Variants in ESRP1 observed in about 807,000 individuals in gnomAD.
ESRP1 encodes RNA-binding motif protein 35A.
A neutral mutation model predicts 81.7 loss-of-function variants in ESRP1; 33 were observed. The ratio of observed to expected loss-of-function variants is 0.40; its 90% CI spans 0.31 to 0.54. ESRP1 has a LOEUF of 0.54. Ranked by LOEUF, ESRP1 falls within the 20% of genes least tolerant of loss-of-function variation. The probability of loss-of-function intolerance (pLI) is 0.41; values close to 1 mark genes in which losing one functional copy is unlikely to be tolerated. For synonymous variants in ESRP1, 320 were observed against 303.3 expected (o/e 1.06, Z -0.57); for missense variants, 672 against 833.1 (o/e 0.81, Z 2.38).
chr8:94,671,635 T>A lies in ESRP1; in HGVS notation c.1416T>A (p.Ile472=). 1.2e-6 allele frequency: 2 copies of A among 1,613,918 alleles called. No homozygotes were observed. ...LDFLGEFATD[I]RTHGVHMVLN... ...TCCTGGGGGAGTTCGCCACAGATATTCGTACTCATGGGGTTCACATGGTTT... is the reference window on the plus strand; with the variant it reads ...TCCTGGGGGAGTTCGCCACAGATATACGTACTCATGGGGTTCACATGGTTT... The change falls in exon 11 of 16, where the codon ATT becomes ATA. Residue 472 remains isoleucine (I), a synonymous_variant. Coordinates refer to ENST00000433389, the MANE Select transcript of ESRP1 (RefSeq NM_017697.4).
At chr8:94,641,909 G>A (rs1817617012) in intron 1 of ESRP1, 47 bp from the exon 2 acceptor site, 2 of 1,605,420 alleles carry the variant, frequency 1.2e-6, no homozygotes, top group Non-Finnish European at 1.7e-6. Context: ...TGCAGAAAGA[G>A]GCTCCGAAAT....
In ESRP1 at chr8:94,641,228, A is replaced by G. The variant is rs1275040610; in HGVS notation, c.-91A>G. 1.6e-6 allele frequency: 2 copies of G among 1,257,606 alleles called. No individual in the cohort carries two copies. Among genetic ancestry groups the G allele is most frequent in the South Asian group, 1.5e-5 (1 of 66,680 alleles). 77.9% of individuals were successfully genotyped at this position (1,257,606 alleles called of 1,614,324 possible). A position where few individuals can be genotyped will look rare whatever the true frequency, so the allele number is the denominator to read the frequency against. ...GGTGGGCGCTCTTTCTTTTTCTCTT[A>G]GAAGAGGGTTTAGCACAGGTTTTTT... On this transcript the variant is annotated 5_prime_UTR_variant, in exon 1 of 16. Coordinates refer to ENST00000433389, the MANE Select transcript of ESRP1 (RefSeq NM_017697.4).
chr8:94,689,878 G>A (rs67760346), intron 13 of ESRP1, among the ~76,000 whole-genome samples: 25,869 of 142,912 alleles, frequency 0.18, 2,700 homozygotes, highest in African/African-American at 0.29. Flanking sequence ...GTGCAGTGGC[G>A]CCATCTCAGC....
chr8:94,662,665 T>C, intron 6 of ESRP1, 110 bp downstream of exon 6: 1 of 871,244 alleles, frequency 1.1e-6, no homozygotes, highest in Non-Finnish European at 1.7e-6. Flanking sequence ...TGGAGTGCAG[T>C]GGCACGATCT....
rs112859945 is a variant in ESRP1 at position 94,691,975 on chromosome 8, C to G, written c.1821-702C>G. Among the ~76,000 whole-genome samples, 963 of 152,238 alleles carry G rather than the reference C, an allele frequency of 6.3e-3. 3 individuals carry two copies. Among genetic ancestry groups the G allele is most frequent in the Middle Eastern group, 0.02 (6 of 294 alleles). ...AACTAATTGCATAATATGGTAATGA[C>G]TCAAGTTGTCACATAAAGTTGGGTG... is the stretch of plus-strand genomic sequence containing the variant. On this transcript the variant is annotated intron_variant, in intron 13 of 15. Coordinates refer to ENST00000433389, the MANE Select transcript of ESRP1 (RefSeq NM_017697.4).
intron 13 of ESRP1, among the ~76,000 whole-genome samples, chr8:94,686,637 C>T (rs768759144): frequency 4.7e-4 from 71 of 152,180 alleles, no homozygotes; most frequent in Admixed American, 7.9e-4. Context: ...CCTAACCCTT[C>T]GGTTCCTCTA....
intron 12 of ESRP1, among the ~76,000 whole-genome samples, chr8:94,677,778 G>A (rs1464015716): frequency 6.6e-6 from 1 of 152,124 alleles, no homozygotes; most frequent in Non-Finnish European, 1.5e-5. Flanking sequence ...TGTACTGACG[G>A]GTAGGTAGCA....
chr8:94,705,938 T>C lies in ESRP1; in HGVS notation c.*49T>C, dbSNP rs1243108406. On this transcript the variant is annotated 3_prime_UTR_variant, in exon 16 of 16. Coordinates refer to ENST00000433389, the MANE Select transcript of ESRP1 (RefSeq NM_017697.4). ...TTTTTTTTTCAGTGTTTGAAAGATG[T>C]ATGGTGATCTTGAAACCTCCAGACA... is the stretch of plus-strand genomic sequence containing the variant. 6.6e-7 allele frequency: 1 copy of C among 1,524,906 alleles called. No homozygotes were observed. The highest frequency in any genetic ancestry group is 8.8e-7 in the Non-Finnish European group (1 of 1,138,372). 94.5% of individuals were successfully genotyped at this position (1,524,906 alleles called of 1,614,324 possible).
chr8:94,703,176 GAC>G (rs1246994736), intron 15 of ESRP1, among the ~76,000 whole-genome samples: 1 of 134,112 alleles, frequency 7.5e-6, no homozygotes, highest in African/African-American at 2.9e-5. Flanking sequence ...TTGTTGTTGA[GAC>G]AGAGTCTTGC....
chr8:94,657,545 A>T lies in ESRP1; in HGVS notation c.491-4727A>T, dbSNP rs148394176. ...GCATTCAGGAGGTTGGGTGACTTTT[A>T]CAAGTTGTTACACAGCTCAGCACCA... On this transcript the variant is annotated intron_variant, in intron 4 of 15. Transcript: ENST00000433389. Among the ~76,000 whole-genome samples the T allele has an allele frequency of 2.7e-3, 413 of 150,856 alleles. 1 individual carries two copies. Among genetic ancestry groups the T allele is most frequent in the African/African-American group, 9.7e-3 (399 of 40,952 alleles).
At position 94,641,236 on chromosome 8, in the gene ESRP1, G is replaced by T. The variant is rs1347558162; in HGVS notation, c.-83G>T. 11 of 1,374,008 alleles carry T rather than the reference G, an allele frequency of 8.0e-6. No homozygotes were observed. The highest frequency in any genetic ancestry group is 2.5e-4 in the Middle Eastern group (1 of 3,954). The allele number at this position is 1,374,008 out of a possible 1,614,324, so 85.1% of individuals were successfully genotyped here. A position where few individuals can be genotyped will look rare whatever the true frequency, so the allele number is the denominator to read the frequency against. Reference sequence around the variant, plus strand: ...CTCTTTCTTTTTCTCTTAGAAGAGGGTTTAGCACAGGTTTTTTCGTTCTCA... The same window carrying T: ...CTCTTTCTTTTTCTCTTAGAAGAGGTTTTAGCACAGGTTTTTTCGTTCTCA... On this transcript the variant is annotated 5_prime_UTR_variant, in exon 1 of 16. Transcript: ENST00000433389.
chr8:94,647,802 A>C (rs984308013), intron 4 of ESRP1, among the ~76,000 whole-genome samples: 1 of 152,158 alleles, frequency 6.6e-6, no homozygotes, highest in Admixed American at 6.5e-5. Flanking sequence ...CTGAAAAATT[A>C]GAAGGCAGTG....
rs1229162029 is a variant in ESRP1 at position 94,656,702 on chromosome 8, A to G, written c.491-5570A>G. The stretch of plus-strand genomic sequence containing the variant: ...ATGAAATTGTGTTACTATACAATAA[A>G]TGAAAGTAAACAAAAGGAATGGATT... On this transcript the variant is annotated intron_variant, in intron 4 of 15. Coordinates refer to ENST00000433389, the MANE Select transcript of ESRP1 (RefSeq NM_017697.4). Among the ~76,000 whole-genome samples, 3 of 152,246 alleles carry G rather than the reference A, an allele frequency of 2.0e-5. No individual in the cohort carries two copies. In the East Asian group the frequency reaches 5.8e-4, roughly 29 times the overall value.
intron 4 of ESRP1, 76 bp downstream of exon 4, chr8:94,646,358 A>G (rs1817850941): frequency 2.9e-6 from 3 of 1,027,252 alleles, no homozygotes; most frequent in South Asian, 3.5e-5. Context: ...ACTTTCAAAC[A>G]TTTTAAATTT....
intron 13 of ESRP1, 143 bp from the exon 14 acceptor site, chr8:94,692,534 C>A: frequency 1.2e-6 from 1 of 842,810 alleles, no homozygotes; most frequent in African/African-American, 1.7e-5. Context: ...GTGGTGTTTT[C>A]ACCTGTCTTA....
At chr8:94,687,345 T>G (rs1431024600) in intron 13 of ESRP1, among the ~76,000 whole-genome samples, 1 of 152,218 alleles carries the variant, frequency 6.6e-6, no homozygotes, top group African/African-American at 2.4e-5. Flanking sequence ...TGATGGCTAT[T>G]TAGAGTTTTT....
At chr8:94,643,184 C>T (rs2130524390) in intron 2 of ESRP1, 119 bp from the exon 3 acceptor site, 2 of 636,292 alleles carry the variant, frequency 3.1e-6, no homozygotes, top group Non-Finnish European at 5.7e-6. Flanking sequence ...GCCCCAGCAC[C>T]GGTGTCACCC....
At chr8:94,653,044 T>G (rs1470912785) in intron 4 of ESRP1, among the ~76,000 whole-genome samples, 2 of 152,204 alleles carry the variant, frequency 1.3e-5, no homozygotes, top group Non-Finnish European at 1.5e-5. Context: ...TAAAGTTAAT[T>G]TTGTAAAATA....
At chr8:94,652,101 T>C (rs1484100753) in intron 4 of ESRP1, among the ~76,000 whole-genome samples, 1 of 150,136 alleles carries the variant, frequency 6.7e-6, no homozygotes, top group African/African-American at 2.5e-5. Flanking sequence ...AATTCTCCTG[T>C]CTCAGCCTCC....
Sources: gnomAD v4.1 joint callset for allele counts (sites outside exome capture counted in the v4.1 genomes callset) on GRCh38, gnomAD v4.1.1 for gene constraint, MANE v1.5 for transcripts, NCBI Gene and HGNC (gene_info 2026-07-23, HGNC 2026-07-21) for gene names.